ROBO1: variants seen among roughly 807,000 people sequenced by gnomAD.
ROBO1 encodes roundabout homolog 1.
A neutral mutation model predicts 195.9 loss-of-function variants in ROBO1; 149 were observed. The ratio of observed to expected loss-of-function variants is 0.76; its 90% CI spans 0.67 to 0.87. The LOEUF is 0.87. ROBO1 is among the 40% of genes least tolerant of loss of function. ROBO1 has a pLI of 0.00. For missense variants in ROBO1, 1,933 were observed against 2,068.3 expected (o/e 0.93, Z 1.27); for synonymous variants, 816 against 733.2 (o/e 1.11, Z -1.82).
At chr3:79,681,547 G>C (rs1009273626) in intron 1 of ROBO1, among the ~76,000 whole-genome samples, 1 of 151,972 alleles carries the variant, frequency 6.6e-6, no homozygotes, top group Non-Finnish European at 1.5e-5. Flanking sequence ...TGAAAAATAT[G>C]AATATGAAAT....
chr3:78,866,127 A>C (rs331148), intron 4 of ROBO1, among the ~76,000 whole-genome samples: 1 of 152,196 alleles, frequency 6.6e-6, no homozygotes, highest in Non-Finnish European at 1.5e-5. Flanking sequence ...TTTTCTTTGT[A>C]TTTTATATGA....
At chr3:78,899,221 A>G (rs979883533) in intron 4 of ROBO1, among the ~76,000 whole-genome samples, 5 of 152,236 alleles carry the variant, frequency 3.3e-5, no homozygotes, top group Non-Finnish European at 7.3e-5. Context: ...TTAAATAAGT[A>G]AGTGCATTTT....
intron 3 of ROBO1, among the ~76,000 whole-genome samples, chr3:79,085,903 C>T (rs1177594002): frequency 1.3e-5 from 2 of 152,056 alleles, no homozygotes; most frequent in African/African-American, 4.8e-5. Flanking sequence ...TATATATTCT[C>T]TATAAGCAAA....
chr3:79,232,931 T>C (rs1409146854), intron 2 of ROBO1, among the ~76,000 whole-genome samples: 1 of 152,096 alleles, frequency 6.6e-6, no homozygotes, highest in African/African-American at 2.4e-5. Flanking sequence ...GCATTGAAGT[T>C]ATGTTTTGAT....
chr3:78,773,116 T>C (rs1233124934), intron 4 of ROBO1, among the ~76,000 whole-genome samples: 1 of 152,104 alleles, frequency 6.6e-6, no homozygotes, highest in East Asian at 1.9e-4. Flanking sequence ...GTATGCTGTG[T>C]TAGGAAGTGG....
intron 2 of ROBO1, among the ~76,000 whole-genome samples, chr3:79,498,699 C>A (rs939954914): frequency 1.3e-5 from 2 of 151,822 alleles, no homozygotes; most frequent in Non-Finnish European, 2.9e-5. Context: ...ACTAAATATA[C>A]AAAAATTAGC....
chr3:78,771,898 A>G (rs993348488), intron 4 of ROBO1, among the ~76,000 whole-genome samples: 6 of 152,008 alleles, frequency 3.9e-5, no homozygotes, highest in Admixed American at 1.3e-4. Context: ...TTTAGGCTCA[A>G]TCCTTTTAAA....
At chr3:79,454,232 A>G (rs1332738798) in intron 2 of ROBO1, among the ~76,000 whole-genome samples, 1 of 151,906 alleles carries the variant, frequency 6.6e-6, no homozygotes, top group Non-Finnish European at 1.5e-5. Flanking sequence ...TCATTACATG[A>G]AGAAAAAAAT....
intron 4 of ROBO1, among the ~76,000 whole-genome samples, chr3:78,875,423 C>A (rs1175878787): frequency 2.6e-5 from 4 of 151,718 alleles, no homozygotes; most frequent in African/African-American, 9.7e-5. Context: ...AAGAAATAAA[C>A]CATAAAGTCT....
At chr3:79,247,129 G>GTTT (rs575917340) in intron 2 of ROBO1, among the ~76,000 whole-genome samples, 27 of 134,800 alleles carry the variant, frequency 2.0e-4, no homozygotes, top group African/African-American at 7.2e-4. Flanking sequence ...CCTGTTTACT[G>GTTT]TTTTTTTTTT....
chr3:79,531,679 T>C (rs925337855), intron 2 of ROBO1, among the ~76,000 whole-genome samples: 1 of 152,216 alleles, frequency 6.6e-6, no homozygotes, highest in Non-Finnish European at 1.5e-5. Context: ...AAACTCTGTT[T>C]CACGTTTTTC....
chr3:78,695,442 A>G (rs1295632640), intron 8 of ROBO1, among the ~76,000 whole-genome samples: 2 of 151,830 alleles, frequency 1.3e-5, no homozygotes, highest in Non-Finnish European at 2.9e-5. Flanking sequence ...TGGCTAATAC[A>G]GTGAAACCCC....
intron 4 of ROBO1, among the ~76,000 whole-genome samples, chr3:78,859,003 C>T (rs556766955): frequency 2.0e-5 from 3 of 152,186 alleles, no homozygotes; most frequent in African/African-American, 7.2e-5. Flanking sequence ...TTTTTCTCAA[C>T]GTGCGTAAAT....
At chr3:78,704,893 T>G (rs990160795) in intron 8 of ROBO1, among the ~76,000 whole-genome samples, 2 of 152,196 alleles carry the variant, frequency 1.3e-5, no homozygotes, top group African/African-American at 4.8e-5. Context: ...TTGGCATGTA[T>G]CTTGATTATT....
intron 4 of ROBO1, among the ~76,000 whole-genome samples, chr3:78,850,035 C>A (rs2033951537): frequency 6.6e-6 from 1 of 152,126 alleles, no homozygotes; most frequent in Non-Finnish European, 1.5e-5. Context: ...TACGGTGTTC[C>A]ATACAGTAAC....
intron 2 of ROBO1, among the ~76,000 whole-genome samples, chr3:79,357,939 A>G (rs2035621529): frequency 6.6e-6 from 1 of 152,082 alleles, no homozygotes; most frequent in Non-Finnish European, 1.5e-5. Context: ...TAATGGGGGG[A>G]TAGCATTTTA....
chr3:79,173,667 G>T (rs1175894172), intron 2 of ROBO1, among the ~76,000 whole-genome samples: 2 of 152,120 alleles, frequency 1.3e-5, no homozygotes. Flanking sequence ...CTGCTCCACG[G>T]TGCCCAGTCC....
intron 1 of ROBO1, among the ~76,000 whole-genome samples, chr3:79,747,056 A>C (rs1038052261): frequency 2.6e-5 from 4 of 152,044 alleles, no homozygotes; most frequent in Non-Finnish European, 5.9e-5. Context: ...CCAGCCCATA[A>C]ATCATCCAGG....
chr3:78,996,284 A>G (rs549529312), intron 3 of ROBO1, among the ~76,000 whole-genome samples: 71 of 151,450 alleles, frequency 4.7e-4, no homozygotes, highest in African/African-American at 1.7e-3. Flanking sequence ...GGAGTTCAAG[A>G]CAACCCTGGC....
Sources: allele counts gnomAD v4.1 joint callset (sites outside exome capture counted in the v4.1 genomes callset), GRCh38; gene constraint gnomAD v4.1.1; transcripts MANE v1.5; gene names NCBI Gene and HGNC (gene_info 2026-07-23, HGNC 2026-07-21).